Variants in SIPA1L1 observed in about 807,000 individuals in gnomAD.
The protein encoded by SIPA1L1 is signal induced proliferation associated 1 like 1, also known as signal-induced proliferation-associated 1-like protein 1.
Under a neutral mutation model 162.7 loss-of-function variants are expected in SIPA1L1, and 26 were observed. The observed-to-expected ratio is 0.16, with a 90% CI of 0.12 to 0.22. The LOEUF (loss-of-function observed/expected upper bound fraction) is 0.22. Ranked by LOEUF, SIPA1L1 falls within the 10% of genes least tolerant of loss-of-function variation. The pLI is 1.00. For missense variants in SIPA1L1, 1,874 were observed against 2,241.0 expected, an observed-to-expected ratio of 0.84 and a Z score of 3.31; for synonymous variants, 829 against 837.4, an observed-to-expected ratio of 0.99 and a Z score of 0.17.
chr14:71,403,599 C>CAAAAAAA (rs147285643), intron 2 of SIPA1L1, among the ~76,000 whole-genome samples: 1 of 69,296 alleles, frequency 1.4e-5, no homozygotes, highest in Non-Finnish European at 2.8e-5. Flanking sequence ...GACTCTGTCT[C>CAAAAAAA]AAAAAAAAAA....
intron 12 of SIPA1L1, among the ~76,000 whole-genome samples, chr14:71,675,311 A>C (rs1241884585): frequency 1.3e-5 from 2 of 152,172 alleles, no homozygotes; most frequent in African/African-American, 4.8e-5. Context: ...AGTGCACTGC[A>C]CAGCCCCACC....
At chr14:71,513,373 A>G (rs945927443) in intron 3 of SIPA1L1, among the ~76,000 whole-genome samples, 8 of 152,050 alleles carry the variant, frequency 5.3e-5, no homozygotes, top group Admixed American at 2.0e-4. Flanking sequence ...GTTTCTTTTT[A>G]CCTAGTGTAT....
chr14:71,368,475 A>G (rs2038583135), intron 2 of SIPA1L1, among the ~76,000 whole-genome samples: 1 of 90,872 alleles, frequency 1.1e-5, no homozygotes, highest in Admixed American at 1.3e-4. Flanking sequence ...CCATGTCCCT[A>G]CAAAGGACAT....
At chr14:71,673,831 A>G (rs1017876386) in intron 12 of SIPA1L1, among the ~76,000 whole-genome samples, 4 of 152,222 alleles carry the variant, frequency 2.6e-5, no homozygotes, top group African/African-American at 7.2e-5. Flanking sequence ...CCCTACCCAC[A>G]TACCCTGCCT....
chr14:71,603,297 T>A (rs2037015353), intron 5 of SIPA1L1, among the ~76,000 whole-genome samples: 2 of 152,162 alleles, frequency 1.3e-5, no homozygotes, highest in Non-Finnish European at 2.9e-5. Context: ...TTTTTTCAAA[T>A]CAGCCGATCT....
chr14:71,508,700 T>C (rs2050872471), intron 2 of SIPA1L1, among the ~76,000 whole-genome samples: 1 of 152,262 alleles, frequency 6.6e-6, no homozygotes, highest in African/African-American at 2.4e-5. Flanking sequence ...TCATGTTTCC[T>C]TGAATTTCTT....
intron 2 of SIPA1L1, among the ~76,000 whole-genome samples, chr14:71,360,552 T>C (rs1001698786): frequency 2.0e-5 from 3 of 152,358 alleles, no homozygotes; most frequent in South Asian, 2.1e-4. Flanking sequence ...CGAACTTGTT[T>C]TGAGGTCTGC....
intron 2 of SIPA1L1, among the ~76,000 whole-genome samples, chr14:71,436,264 A>G (rs1265824548): frequency 4.6e-5 from 7 of 152,094 alleles, no homozygotes; most frequent in Non-Finnish European, 8.8e-5. Flanking sequence ...AATTTTTGCT[A>G]TATATGAATT....
intron 13 of SIPA1L1, among the ~76,000 whole-genome samples, chr14:71,689,990 A>G (rs1412748084): frequency 6.6e-6 from 1 of 152,236 alleles, no homozygotes; most frequent in Non-Finnish European, 1.5e-5. Context: ...TTGTTATATC[A>G]TACAGGATCT....
intron 3 of SIPA1L1, among the ~76,000 whole-genome samples, chr14:71,515,356 A>G (rs1389943290): frequency 6.6e-6 from 1 of 152,232 alleles, no homozygotes; most frequent in Non-Finnish European, 1.5e-5. Context: ...TTGCTGAAAC[A>G]TATCTCTAGT....
At chr14:71,623,808 C>T (rs960371664) in intron 6 of SIPA1L1, among the ~76,000 whole-genome samples, 5 of 152,178 alleles carry the variant, frequency 3.3e-5, no homozygotes. Context: ...TAAATATCCT[C>T]AGAAGTCTTG....
intron 2 of SIPA1L1, among the ~76,000 whole-genome samples, chr14:71,349,842 G>C (rs1337187262): frequency 6.6e-6 from 1 of 152,164 alleles, no homozygotes. Context: ...GCCCAAGAGT[G>C]GGGGAAGCAG....
At chr14:71,452,456 A>G (rs905635837) in intron 2 of SIPA1L1, among the ~76,000 whole-genome samples, 1 of 151,926 alleles carries the variant, frequency 6.6e-6, no homozygotes, top group African/African-American at 2.4e-5. Context: ...GATTTTGACC[A>G]TTTTACTATT....
intron 2 of SIPA1L1, among the ~76,000 whole-genome samples, chr14:71,471,267 T>C (rs1180389532): frequency 1.3e-5 from 2 of 152,110 alleles, no homozygotes; most frequent in Non-Finnish European, 2.9e-5. Context: ...TCAAGAGTTC[T>C]AGACCAGCCT....
At chr14:71,324,526 T>G (rs766903730) in intron 2 of SIPA1L1, among the ~76,000 whole-genome samples, 16 of 152,222 alleles carry the variant, frequency 1.1e-4, no homozygotes, top group South Asian at 6.2e-4. Flanking sequence ...GTGGTGAGGT[T>G]GTAAAGCTAT....
At chr14:71,678,717 C>G (rs1226483358) in intron 12 of SIPA1L1, among the ~76,000 whole-genome samples, 1 of 151,628 alleles carries the variant, frequency 6.6e-6, no homozygotes, top group Non-Finnish European at 1.5e-5. Flanking sequence ...AGGAATGGTA[C>G]CAGCTCCTCC....
chr14:71,720,860 A>G (rs1278269797), intron 17 of SIPA1L1, among the ~76,000 whole-genome samples: 1 of 152,064 alleles, frequency 6.6e-6, no homozygotes. Context: ...CTTCTATGTG[A>G]TATCTTGAAG....
intron 4 of SIPA1L1, among the ~76,000 whole-genome samples, chr14:71,579,845 A>G (rs1277693939): frequency 6.6e-6 from 1 of 152,188 alleles, no homozygotes; most frequent in African/African-American, 2.4e-5. Context: ...TAAATATTCA[A>G]ATAAGAAAAC....
chr14:71,731,317 C>T (rs1472767871), intron 20 of SIPA1L1, among the ~76,000 whole-genome samples: 1 of 152,156 alleles, frequency 6.6e-6, no homozygotes, highest in Non-Finnish European at 1.5e-5. Context: ...ATCATGCCAG[C>T]TTCCCCTGCT....
Sources: allele counts gnomAD v4.1 joint callset (sites outside exome capture counted in the v4.1 genomes callset), GRCh38; gene constraint gnomAD v4.1.1; transcripts MANE v1.5; gene names NCBI Gene and HGNC (gene_info 2026-07-23, HGNC 2026-07-21).